Variants in SLC22A25 observed in about 807,000 individuals in gnomAD.
SLC22A25 encodes the protein solute carrier family 22 member 25, also known as MGI:2442751, MGI:2385316, MGI:3042283, MGI:3645714, MGI:3605624, MGI:2442750.
A neutral mutation model predicts 45.9 loss-of-function variants in SLC22A25; 44 were observed. That is an observed-to-expected ratio of 0.96 (90% CI 0.75 to 1.23). The LOEUF (loss-of-function observed/expected upper bound fraction) is 1.23, where lower values mean the gene tolerates loss of function less well. SLC22A25 is among the 50% of genes most tolerant of loss of function. The pLI, the probability that SLC22A25 is intolerant of heterozygous loss-of-function variation, is 0.00. For missense variants in SLC22A25, 800 were observed against 666.4 expected, an observed-to-expected ratio of 1.20 and a Z score of -2.21; for synonymous variants, 283 against 238.6, an observed-to-expected ratio of 1.19 and a Z score of -1.72.
intron 5 of SLC22A25, among the ~76,000 whole-genome samples, chr11:63,222,532 A>G (rs1445395323): frequency 6.6e-6 from 1 of 152,030 alleles, no homozygotes; most frequent in Non-Finnish European, 1.5e-5. Flanking sequence ...TGGAGGCTTT[A>G]TGTTTTTCCA....
At chr11:63,171,276 A>G (rs542893974) in intron 9 of SLC22A25, among the ~76,000 whole-genome samples, 1 of 152,170 alleles carries the variant, frequency 6.6e-6, no homozygotes, top group East Asian at 1.9e-4. Context: ...CTCTCTCACC[A>G]CTCCTATTCA....
At chr11:63,235,970 C>T (rs2090155626) in intron 3 of SLC22A25, among the ~76,000 whole-genome samples, 1 of 152,184 alleles carries the variant, frequency 6.6e-6, no homozygotes, top group African/African-American at 2.4e-5. Flanking sequence ...TATTGGTGAA[C>T]TGCAAATGCT....
chr11:63,219,079 T>C (rs894653175), intron 5 of SLC22A25, among the ~76,000 whole-genome samples: 1 of 152,198 alleles, frequency 6.6e-6, no homozygotes, highest in Non-Finnish European at 1.5e-5. Context: ...TACCTTCATA[T>C]ATAGTAGCTA....
In SLC22A25 at chr11:63,161,179, T is replaced by C. The variant is rs1309861278; in HGVS notation, c.*2645A>G. 6.6e-6 allele frequency among the ~76,000 whole-genome samples: 1 copy of C among 152,170 alleles called. No homozygotes were observed. The highest frequency in any genetic ancestry group is 1.5e-5 in the Non-Finnish European group (1 of 68,034). ...CCTCATCCTTTTGTTTTGGTCAATTTCTCCCATTTGGAATGGATGTATTTA... is the reference window on the plus strand; with the variant it reads ...CCTCATCCTTTTGTTTTGGTCAATTCCTCCCATTTGGAATGGATGTATTTA... On this transcript the variant is annotated 3_prime_UTR_variant, in exon 12 of 12. Coordinates refer to ENST00000306494, the MANE Select transcript of SLC22A25 (RefSeq NM_199352.6).
At chr11:63,168,960 A>G (rs555178880) in intron 9 of SLC22A25, among the ~76,000 whole-genome samples, 1 of 152,228 alleles carries the variant, frequency 6.6e-6, no homozygotes, top group Non-Finnish European at 1.5e-5. Flanking sequence ...TCAGACTAAC[A>G]GTGGATCTCT....
intron 1 of SLC22A25, among the ~76,000 whole-genome samples, chr11:63,242,125 C>T (rs2090258613): frequency 6.6e-6 from 1 of 152,164 alleles, no homozygotes; most frequent in East Asian, 1.9e-4. Context: ...TGGGCAGAAA[C>T]ACTGCTAGTT....
chr11:63,234,980 G>A (rs1017642935), intron 3 of SLC22A25, among the ~76,000 whole-genome samples: 5 of 152,156 alleles, frequency 3.3e-5, no homozygotes, highest in Admixed American at 6.5e-5. Flanking sequence ...CTCTCTTCTG[G>A]CTTGTAGAGT....
intron 5 of SLC22A25, among the ~76,000 whole-genome samples, chr11:63,220,921 A>G (rs2089838811): frequency 6.6e-6 from 1 of 152,176 alleles, no homozygotes; most frequent in Non-Finnish European, 1.5e-5. Flanking sequence ...ATAATGATCT[A>G]CAGTTTCATT....
intron 9 of SLC22A25, among the ~76,000 whole-genome samples, chr11:63,177,377 TGTG>T (rs2088130202): frequency 8.3e-6 from 1 of 120,970 alleles, no homozygotes; most frequent in Non-Finnish European, 1.8e-5. Context: ...TGTGTGTGTG[TGTG>T]TGTGTCGAGA....
chr11:63,219,480 G>A (rs1018011806), intron 5 of SLC22A25, among the ~76,000 whole-genome samples: 1 of 152,150 alleles, frequency 6.6e-6, no homozygotes, highest in Non-Finnish European at 1.5e-5. Flanking sequence ...ATGGTACAGA[G>A]TAAGTTCTTC....
At chr11:63,188,512 A>AT (rs1040414747) in intron 7 of SLC22A25, among the ~76,000 whole-genome samples, 115 of 152,144 alleles carry the variant, frequency 7.6e-4, no homozygotes, top group African/African-American at 2.6e-3. Flanking sequence ...GGATTCATTG[A>AT]TTTTTTGAAG....
intron 8 of SLC22A25, among the ~76,000 whole-genome samples, chr11:63,181,661 G>A (rs1329507144): frequency 6.6e-6 from 1 of 152,030 alleles, no homozygotes; most frequent in Non-Finnish European, 1.5e-5. Flanking sequence ...GTGGGAGAAT[G>A]AGACAGGCAT....
At chr11:63,234,764 A>G (rs569221324) in intron 3 of SLC22A25, among the ~76,000 whole-genome samples, 2 of 152,330 alleles carry the variant, frequency 1.3e-5, no homozygotes, top group South Asian at 4.1e-4. Flanking sequence ...ATGTTGTTGC[A>G]GTGGCTGGTA....
At chr11:63,234,533 C>T (rs1044154105) in intron 3 of SLC22A25, among the ~76,000 whole-genome samples, 4 of 152,274 alleles carry the variant, frequency 2.6e-5, no homozygotes, top group African/African-American at 9.6e-5. Flanking sequence ...ATGTGTGTCT[C>T]TGCAAGTGAC....
At chr11:63,164,889 A>G (rs375942573) in intron 10 of SLC22A25, among the ~76,000 whole-genome samples, 1 of 152,208 alleles carries the variant, frequency 6.6e-6, no homozygotes, top group South Asian at 2.1e-4. Context: ...GGGGTATGCC[A>G]TAGCAGAAAA....
intron 7 of SLC22A25, among the ~76,000 whole-genome samples, chr11:63,186,153 C>T (rs9737445): frequency 0.03 from 3,645 of 123,456 alleles, 206 homozygotes; most frequent in African/African-American, 0.1. Context: ...AGTTTACAGT[C>T]CCACCGACAG....
At position 63,175,743 on chromosome 11, in the gene SLC22A25, A is replaced by C. The variant is rs2088061617; in HGVS notation, c.1070+4917T>G. 3.9e-5 allele frequency among the ~76,000 whole-genome samples: 6 copies of C among 152,066 alleles called. No individual in the cohort carries two copies. In the South Asian group the frequency reaches 1.0e-3, roughly 26 times the overall value. On this transcript the variant is annotated intron_variant, in intron 9 of 11. Transcript: ENST00000306494. ...TTTGATAGTTTCAGGTCTCATGTTA[A>C]GTCTTGAATCCATTTTCAGTTGATT...
rs1565056889 is a variant in SLC22A25 at position 63,164,482 on chromosome 11, C to G, written c.1394+44G>C. ...CTTGTTAAGTGTCAATTGGTTGAGA[C>G]AGGTCCATTTTGAGAATGACAGAGC... On this transcript the variant is annotated intron_variant, in intron 11 of 11. Transcript: ENST00000306494. 3.3e-6 allele frequency: 5 copies of G among 1,521,128 alleles called. No individual in the cohort carries two copies. In the South Asian group the frequency reaches 5.6e-5, roughly 17 times the overall value. 94.2% of individuals were successfully genotyped at this position (1,521,128 alleles called of 1,614,324 possible). A position where few individuals can be genotyped will look rare whatever the true frequency, so the allele number is the denominator to read the frequency against.
intron 7 of SLC22A25, among the ~76,000 whole-genome samples, chr11:63,184,470 C>T (rs1214752889): frequency 1.3e-5 from 2 of 152,072 alleles, no homozygotes; most frequent in Non-Finnish European, 2.9e-5. Context: ...AGGCTTCCTC[C>T]ACTGAACTGA....
Sources: allele counts gnomAD v4.1 joint callset (sites outside exome capture counted in the v4.1 genomes callset), GRCh38; gene constraint gnomAD v4.1.1; transcripts MANE v1.5; gene names NCBI Gene and HGNC (gene_info 2026-07-23, HGNC 2026-07-21).